The following TCERG1L variants were observed in gnomAD, a reference collection of about 807,000 sequenced individuals.
TCERG1L encodes the protein transcription elongation regulator 1-like protein.
Under a neutral mutation model 56.3 loss-of-function variants are expected in TCERG1L, and 37 were observed. The observed-to-expected ratio is 0.66, with a 90% CI of 0.51 to 0.87. The LOEUF (loss-of-function observed/expected upper bound fraction) is 0.87. TCERG1L is among the 40% of genes least tolerant of loss of function. The pLI is 0.00. For synonymous variants in TCERG1L, 324 were observed against 326.3 expected, an observed-to-expected ratio of 0.99 and a Z score of 0.08; for missense variants, 799 against 774.2, an observed-to-expected ratio of 1.03 and a Z score of -0.38.
chr10:131,296,710 A>T (rs1846694398), intron 3 of TCERG1L, among the ~76,000 whole-genome samples: 1 of 152,250 alleles, frequency 6.6e-6, no homozygotes, highest in Non-Finnish European at 1.5e-5. Context: ...ATCTGGGCAG[A>T]AGTGAAATCT....
At chr10:131,224,084 G>A (rs897268005) in intron 4 of TCERG1L, among the ~76,000 whole-genome samples, 2 of 152,066 alleles carry the variant, frequency 1.3e-5, no homozygotes, top group African/African-American at 4.8e-5. Flanking sequence ...CAGTCGATTA[G>A]GAATTCTGGA....
intron 3 of TCERG1L, among the ~76,000 whole-genome samples, chr10:131,264,283 C>T (rs566672323): frequency 6.6e-6 from 1 of 152,186 alleles, no homozygotes; most frequent in Non-Finnish European, 1.5e-5. Flanking sequence ...AGCAGCCCTG[C>T]CAGAGCACAG....
intron 4 of TCERG1L, among the ~76,000 whole-genome samples, chr10:131,170,866 G>A (rs977085807): frequency 2.6e-5 from 4 of 152,162 alleles, no homozygotes; most frequent in African/African-American, 9.7e-5. Context: ...AAAGTGTGGC[G>A]GCCGGGCGCC....
chr10:131,125,072 C>A (rs980713814), intron 8 of TCERG1L, among the ~76,000 whole-genome samples: 4 of 152,198 alleles, frequency 2.6e-5, no homozygotes, highest in African/African-American at 4.8e-5. Context: ...AGGTATTTAA[C>A]ACAATGGCTG....
intron 8 of TCERG1L, among the ~76,000 whole-genome samples, chr10:131,130,898 GAC>G (rs1845611367): frequency 6.6e-6 from 1 of 152,032 alleles, no homozygotes; most frequent in Non-Finnish European, 1.5e-5. Context: ...TCCCTGCAGG[GAC>G]GGGCATCAAC....
chr10:131,247,563 G>A (rs1339521949), intron 4 of TCERG1L, among the ~76,000 whole-genome samples: 1 of 152,180 alleles, frequency 6.6e-6, no homozygotes, highest in Non-Finnish European at 1.5e-5. Flanking sequence ...CTGTGGCAGA[G>A]GAGTTATCAG....
intron 7 of TCERG1L, among the ~76,000 whole-genome samples, chr10:131,138,996 C>T (rs1845703475): frequency 6.6e-6 from 1 of 152,202 alleles, no homozygotes; most frequent in South Asian, 2.1e-4. Context: ...AGATAAGGAA[C>T]ACAAACACAA....
chr10:131,102,743 T>C (rs1845315888), intron 10 of TCERG1L, among the ~76,000 whole-genome samples: 1 of 152,120 alleles, frequency 6.6e-6, no homozygotes, highest in Non-Finnish European at 1.5e-5. Flanking sequence ...GGAGTCTAAC[T>C]GGGGCAGGGA....
intron 3 of TCERG1L, among the ~76,000 whole-genome samples, chr10:131,277,715 G>A (rs1846407514): frequency 6.6e-6 from 1 of 152,212 alleles, no homozygotes; most frequent in Non-Finnish European, 1.5e-5. Flanking sequence ...CACAGAGGCA[G>A]GCATGGGCCT....
intron 6 of TCERG1L, among the ~76,000 whole-genome samples, chr10:131,151,646 G>C (rs893402880): frequency 6.6e-6 from 1 of 152,118 alleles, no homozygotes; most frequent in African/African-American, 2.4e-5. Context: ...TACCATTCTG[G>C]GTTCTGGAGG....
At position 131,107,971 on chromosome 10, in the gene TCERG1L, A is replaced by ACT. The variant is rs1165612606; in HGVS notation, c.1396-3618_1396-3617insAG. ...CATGTGTGCCTACACACACACACACACACACACACACACACACAGAGTACC... is the reference window on the plus strand; with the variant it reads ...CATGTGTGCCTACACACACACACACACTCACACACACACACACACAGAGTACC... On this transcript the variant is annotated intron_variant, in intron 9 of 11. Transcript: ENST00000368642. Among the ~76,000 whole-genome samples the ACT allele has an allele frequency of 2.0e-5, 3 of 151,500 alleles. No homozygotes were observed. The East Asian group carries it at 5.8e-4, about 29-fold the overall frequency.
intron 8 of TCERG1L, among the ~76,000 whole-genome samples, chr10:131,126,094 G>C (rs914062254): frequency 1.3e-5 from 2 of 152,202 alleles, no homozygotes; most frequent in African/African-American, 4.8e-5. Context: ...GCTCCTGACT[G>C]CCTAGCACCC....
chr10:131,144,776 T>G (rs947302727), intron 7 of TCERG1L, among the ~76,000 whole-genome samples: 5 of 152,204 alleles, frequency 3.3e-5, no homozygotes, highest in African/African-American at 1.2e-4. Context: ...GTATTTCTGG[T>G]TGTAAAACCT....
intron 6 of TCERG1L, among the ~76,000 whole-genome samples, chr10:131,159,209 T>C (rs2133427328): frequency 6.6e-6 from 1 of 152,332 alleles, no homozygotes; most frequent in East Asian, 1.9e-4. Flanking sequence ...CAAACCACAC[T>C]GTGCCCTGAC....
intron 4 of TCERG1L, among the ~76,000 whole-genome samples, chr10:131,201,019 C>T (rs1589745592): frequency 1.3e-5 from 2 of 152,268 alleles, no homozygotes; most frequent in Non-Finnish European, 2.9e-5. Context: ...ATCACGGCGC[C>T]ATCTTGGACG....
Position 131,267,513 on chromosome 10 carries a change from A to G in TCERG1L, c.671-7069T>C, listed in dbSNP as rs964005240. ...CTGCCTGTCCCAGCTCTGCAAAGTGAGCAGACCTGGCTGTGCCCTTCTCTG... is the reference window on the plus strand; with the variant it reads ...CTGCCTGTCCCAGCTCTGCAAAGTGGGCAGACCTGGCTGTGCCCTTCTCTG... On this transcript the variant is annotated intron_variant, in intron 3 of 11. Transcript: ENST00000368642. This position sits in a 1 kb window ranked among gnomAD's most constrained non-coding sequence, Gnocchi z 4.9. Among the ~76,000 whole-genome samples the G allele has an allele frequency of 1.3e-5, 2 of 152,130 alleles. No homozygotes were observed. The highest frequency in any genetic ancestry group is 4.8e-5 in the African/African-American group (2 of 41,418).
chr10:131,289,079 G>GACA (rs1179472238), intron 3 of TCERG1L, among the ~76,000 whole-genome samples: 1 of 151,706 alleles, frequency 6.6e-6, no homozygotes, highest in Non-Finnish European at 1.5e-5. Context: ...CCTATTTCCT[G>GACA]ACAAAACATG....
intron 7 of TCERG1L, among the ~76,000 whole-genome samples, chr10:131,135,021 G>C (rs1043604283): frequency 6.6e-6 from 1 of 152,238 alleles, no homozygotes; most frequent in African/African-American, 2.4e-5. Flanking sequence ...TTCTGAGGCA[G>C]TCAGCCCTGA....
intron 4 of TCERG1L, among the ~76,000 whole-genome samples, chr10:131,214,020 G>A (rs1402234471): frequency 6.9e-6 from 1 of 145,792 alleles, no homozygotes; most frequent in East Asian, 2.1e-4. Context: ...ATACAAACAT[G>A]CTTTTAATGT....
Sources: gnomAD v4.1 joint callset for allele counts (sites outside exome capture counted in the v4.1 genomes callset) on GRCh38, gnomAD v4.1.1 for gene constraint, Gnocchi (gnomAD v3.1) non-coding constraint, MANE v1.5 for transcripts, NCBI Gene and HGNC (gene_info 2026-07-23, HGNC 2026-07-21) for gene names.